CES4A: variants seen among roughly 807,000 people sequenced by gnomAD.
The protein encoded by CES4A is carboxylesterase 4A.
Under a neutral mutation model 65.4 loss-of-function variants are expected in CES4A, and 48 were observed. The ratio of observed to expected loss-of-function variants is 0.73; its 90% CI spans 0.58 to 0.93. The LOEUF (loss-of-function observed/expected upper bound fraction) is 0.93. Ranked by LOEUF, CES4A falls within the 40% of genes least tolerant of loss-of-function variation. The probability of loss-of-function intolerance (pLI) is 0.00; values close to 1 mark genes in which losing one functional copy is unlikely to be tolerated. For missense variants in CES4A, 685 were observed against 728.5 expected, an observed-to-expected ratio of 0.94 and a Z score of 0.69; for synonymous variants, 247 against 281.8, an observed-to-expected ratio of 0.88 and a Z score of 1.24.
At chr16:66,995,544 C>G in intron 1 of CES4A, 84 bp from the exon 2 acceptor site, 1 of 1,196,110 alleles carries the variant, frequency 8.4e-7, no homozygotes, top group Admixed American at 1.8e-5. Context: ...GCCTTGGTCC[C>G]ATTTGTGGCT....
In CES4A at chr16:67,000,448, C is replaced by G. The variant is rs1053124907; in HGVS notation, c.261-190C>G. ...CAGGGAGGGGATGGTTCCTGAGAGG[C>G]CAACCTGCCTCCCAGTCCTGGGCCC... On this transcript the variant is annotated intron_variant, in intron 2 of 13. Coordinates refer to ENST00000648724, the Ensembl canonical transcript of CES4A. The surrounding 1 kb of genome is among the most constrained non-coding windows in gnomAD (Gnocchi z 4.2). 10 of 1,410,510 alleles carry G rather than the reference C, an allele frequency of 7.1e-6. No homozygotes were observed. In the African/African-American group the frequency reaches 1.3e-4, roughly 19 times the overall value. 87.4% of individuals were successfully genotyped at this position (1,410,510 alleles called of 1,614,324 possible).
rs542028870 is a variant in CES4A, at chr16:67,000,956, C to A, written c.502C>A (p.Leu168Met). The change falls in exon 4 of 14, where the codon CTG (leucine) becomes ATG (methionine). Residue 168 changes from leucine (L) to methionine (M), a missense_variant. Leu to Met is a conservative substitution (Grantham distance 15). Coordinates refer to ENST00000648724, the Ensembl canonical transcript of CES4A. This position sits in a 1 kb window ranked among gnomAD's most constrained non-coding sequence, Gnocchi z 4.2. ...CCGCGAGAAAGTGGTGCTGGTGTTT[C>A]TGCAGCACAGGCTCGGCATCTTCGG... 4.5e-5 allele frequency: 72 copies of A among 1,613,322 alleles called. 2 individuals carry two copies. The South Asian group carries it at 6.3e-4, about 14-fold the overall frequency.
At position 67,000,715 on chromosome 16, in the gene CES4A, G is replaced by A. The variant is rs1200511877; in HGVS notation, c.338G>A (p.Ser113Asn). 2 of 1,550,302 alleles carry A rather than the reference G, an allele frequency of 1.3e-6. No homozygotes were observed. The highest frequency in any genetic ancestry group is 1.4e-5 in the African/African-American group (1 of 73,044). ...GAACGGTACAAGTGGCTGCGCTTCA[G>A]CGAGGACTGTCTGTACCTGAACGTG... Residue 113 changes from serine (S) to asparagine (N), a missense_variant, in exon 3 of 14, where the codon AGC becomes AAC. By Grantham distance (46) the Ser-to-Asn change is conservative (BLOSUM62 1). Coordinates refer to ENST00000648724, the Ensembl canonical transcript of CES4A. The surrounding 1 kb of genome is among the most constrained non-coding windows in gnomAD (Gnocchi z 4.2).
At chr16:67,004,757 G>T in intron 9 of CES4A, 36 bp from the exon 10 acceptor site, 10 of 1,517,778 alleles carry the variant, frequency 6.6e-6, no homozygotes, top group Non-Finnish European at 8.8e-6. Context: ...TAATGCTCAG[G>T]CCTGACCCAC....
chr16:66,995,819 T>A, exon 2 of CES4A: 1 of 1,613,534 alleles, frequency 6.2e-7, no homozygotes, highest in South Asian at 1.1e-5. Flanking sequence ...TGCTACCACC[T>A]ACCCGCCTGG....
intron 2 of CES4A, among the ~76,000 whole-genome samples, chr16:66,996,570 T>TCAA (rs1380633946): frequency 1.3e-5 from 2 of 152,236 alleles, no homozygotes; most frequent in African/African-American, 4.8e-5. Context: ...CTTGGCGATT[T>TCAA]ACCCAGAACA....
chr16:67,009,052 A>T, exon 14 of CES4A: 3 of 1,614,212 alleles, frequency 1.9e-6, no homozygotes, highest in Non-Finnish European at 2.5e-6. Context: ...ATTTTACCAC[A>T]AGAGTGGGCA....
rs1965492056 is a variant in CES4A at position 67,003,219 on chromosome 16, T to C, written c.796-37T>C. ...CAGGGCTCAGCATGGAAGGGCAGGA[T>C]GGAAGCACCACTGAGCATCCTTTCT... On this transcript the variant is annotated intron_variant, in intron 6 of 13. Coordinates refer to ENST00000648724, the Ensembl canonical transcript of CES4A. This position sits in a 1 kb window ranked among gnomAD's most constrained non-coding sequence, Gnocchi z 4.2. The C allele has an allele frequency of 6.2e-7, 1 of 1,611,624 alleles. No individual in the cohort carries two copies. The highest frequency in any genetic ancestry group is 8.5e-7 in the Non-Finnish European group (1 of 1,177,714).
rs1965188313 is a variant in CES4A, at chr16:67,000,407, G to C, written c.261-231G>C. On this transcript the variant is annotated intron_variant, in intron 2 of 13. Transcript: ENST00000648724. The surrounding 1 kb of genome is among the most constrained non-coding windows in gnomAD (Gnocchi z 4.2). Reference sequence around the variant, plus strand: ...CCAACAGGAGCAGGAATCTCTCCACGGACTGAGGCGCCGGGCAGGGAGGGG... The same window carrying C: ...CCAACAGGAGCAGGAATCTCTCCACCGACTGAGGCGCCGGGCAGGGAGGGG... The C allele has an allele frequency of 1.5e-6, 2 of 1,326,014 alleles. No individual in the cohort carries two copies. Among genetic ancestry groups the C allele is most frequent in the South Asian group, 1.7e-5 (1 of 58,422 alleles). 82.1% of individuals were successfully genotyped at this position (1,326,014 alleles called of 1,614,324 possible). A position where few individuals can be genotyped will look rare whatever the true frequency, so the allele number is the denominator to read the frequency against.
At chr16:66,997,447 T>C (rs1417226177) in intron 2 of CES4A, among the ~76,000 whole-genome samples, 2 of 152,084 alleles carry the variant, frequency 1.3e-5, no homozygotes, top group Non-Finnish European at 1.5e-5. Flanking sequence ...GTTTCAAAGA[T>C]AGTAGTTTCT....
At chr16:66,995,581 T>C (rs1239073012) in intron 1 of CES4A, 47 bp from the exon 2 acceptor site, 1 of 1,544,392 alleles carries the variant, frequency 6.5e-7, no homozygotes, top group South Asian at 1.1e-5. Context: ...GTCCCATTTG[T>C]GGCTGGGTGA....
chr16:66,996,057 T>A (rs1464362187), intron 2 of CES4A: 1 of 655,400 alleles, frequency 1.5e-6, no homozygotes, highest in Non-Finnish European at 2.8e-6. Flanking sequence ...TTGTTTTTTT[T>A]AGATGGAGTC....
rs896235824 is a variant in CES4A, at chr16:67,004,189, G to A, written c.1045G>A (p.Val349Ile). Residue 349 changes from valine to isoleucine, a missense_variant, in exon 9 of 14, where the codon GTC (valine) becomes ATC (isoleucine). Physicochemically the swap from Val to Ile is conservative, Grantham distance 29 (BLOSUM62 3). Transcript: ENST00000648724. ...TTCATCTGTGCCCTACCTTCTAGGT[G>A]TCAACAACCTGGAATTCAATTGGCT... The A allele has an allele frequency of 1.2e-5, 19 of 1,614,072 alleles. No individual in the cohort carries two copies. The highest frequency in any genetic ancestry group is 2.2e-5 in the East Asian group (1 of 44,892).
intron 5 of CES4A, among the ~76,000 whole-genome samples, chr16:67,002,582 G>A (rs566915101): frequency 5.9e-5 from 9 of 152,206 alleles, no homozygotes; most frequent in Admixed American, 1.3e-4. Flanking sequence ...GGGGCTGGGG[G>A]ATGGTATGGG....
At chr16:66,992,927 C>T (rs1567569671) in intron 1 of CES4A, among the ~76,000 whole-genome samples, 2 of 152,112 alleles carry the variant, frequency 1.3e-5, no homozygotes, top group South Asian at 2.1e-4. Flanking sequence ...CTCAGGTGAT[C>T]CACCCGCCTC....
intron 9 of CES4A, 147 bp downstream of exon 9, chr16:67,004,371 G>A (rs936827473): frequency 2.7e-5 from 22 of 819,202 alleles, no homozygotes; most frequent in Non-Finnish European, 3.9e-5. Flanking sequence ...GGAGCCTCCT[G>A]TAGTCCCTGT....
intron 1 of CES4A, among the ~76,000 whole-genome samples, chr16:66,993,258 C>A (rs1272065692): frequency 1.3e-5 from 2 of 152,166 alleles, no homozygotes; most frequent in African/African-American, 4.8e-5. Context: ...TTTGTTGTCA[C>A]CTATGTACAA....
rs1056864359 is a variant in CES4A at position 67,001,787 on chromosome 16, C to G, written c.690+326C>G. Among the ~76,000 whole-genome samples the G allele has an allele frequency of 3.3e-5, 5 of 152,254 alleles. No individual in the cohort carries two copies. The highest frequency in any genetic ancestry group is 5.9e-5 in the Non-Finnish European group (4 of 68,044). On this transcript the variant is annotated intron_variant, in intron 5 of 13. Transcript: ENST00000648724. This position sits in a 1 kb window ranked among gnomAD's most constrained non-coding sequence, Gnocchi z 4.1. ...CCTGAACAGAGCCCACCATCTGCCCCCTGGGCAAGGCTAGGACCTCACACC... is the reference window on the plus strand; with the variant it reads ...CCTGAACAGAGCCCACCATCTGCCCGCTGGGCAAGGCTAGGACCTCACACC...
rs1964802367 is a variant in CES4A, at chr16:66,995,834, GAGTC to G, written c.260+8_260+11del. ...TGCTACCACCTACCCGCCTGGGTAAGAGTCAGAGGCCTGTCCACTGGGAGGGGGC... is the reference window on the plus strand; with the variant it reads ...TGCTACCACCTACCCGCCTGGGTAAGAGAGGCCTGTCCACTGGGAGGGGGC... On this transcript the variant is annotated splice_donor_region_variant and intron_variant, in intron 2 of 13. Coordinates refer to ENST00000648724, the Ensembl canonical transcript of CES4A. The G allele has an allele frequency of 1.9e-6, 3 of 1,612,890 alleles. No individual in the cohort carries two copies. Among genetic ancestry groups the G allele is most frequent in the Non-Finnish European group, 2.5e-6 (3 of 1,179,804 alleles).
Sources: allele counts gnomAD v4.1 joint callset (sites outside exome capture counted in the v4.1 genomes callset), GRCh38; gene constraint gnomAD v4.1.1; non-coding constraint Gnocchi (gnomAD v3.1); transcripts MANE v1.5; gene names NCBI Gene and HGNC (gene_info 2026-07-23, HGNC 2026-07-21).